The following SETX variants were observed in gnomAD, a reference collection of about 807,000 sequenced individuals.
SETX encodes the protein helicase senataxin.
Under a neutral mutation model 227.2 loss-of-function variants are expected in SETX, and 90 were observed. The observed-to-expected ratio is 0.40, with a 90% CI of 0.33 to 0.47. The LOEUF (loss-of-function observed/expected upper bound fraction) is 0.47. SETX is among the 20% of genes least tolerant of loss of function. The pLI is 0.91. For missense variants in SETX, 3,052 were observed against 3,181.5 expected, an observed-to-expected ratio of 0.96 and a Z score of 0.98; for synonymous variants, 1,210 against 1,113.2, an observed-to-expected ratio of 1.09 and a Z score of -1.73.
rs913286451 is a variant in SETX, at chr9:132,329,820, C to T, written c.1778G>A (p.Arg593Lys). The T allele has an allele frequency of 3.1e-6, 5 of 1,613,978 alleles. No individual in the cohort carries two copies. Among genetic ancestry groups the T allele is most frequent in the Non-Finnish European group, 4.2e-6 (5 of 1,179,972 alleles). ...TGGAGGTGCTTTGAATTTTATGTTTCTAATAATTTGCTTTAAGCAACTTTG... is the reference window on the plus strand; with the variant it reads ...TGGAGGTGCTTTGAATTTTATGTTTTTAATAATTTGCTTTAAGCAACTTTG... Reference protein sequence around the residue: ...ELQSCLKQIIRNIKFKAPPCN... With the variant: ...ELQSCLKQIIKNIKFKAPPCN... Residue 593 changes from arginine (R) to lysine (K), a missense_variant, in exon 10 of 26, where the codon AGA becomes AAA. Arg to Lys is a conservative substitution (Grantham distance 26). Transcript: ENST00000224140.
chr9:132,329,183 G>T lies in SETX; in HGVS notation c.2415C>A (p.Val805=). Reference sequence around the variant, plus strand: ...TTTCATCTAAATTGATAGTATTATCGACCAAAGTACTCTTCCTGTGTTGCT... The same window carrying T: ...TTTCATCTAAATTGATAGTATTATCTACCAAAGTACTCTTCCTGTGTTGCT... ...IKKQHRKSTL[V]DNTINLDENL... is the part of the protein sequence containing the mutation. The change falls in exon 10 of 26, where the codon GTC becomes GTA. Residue 805 remains valine (V), a synonymous_variant. Coordinates refer to ENST00000224140, the MANE Select transcript of SETX (RefSeq NM_015046.7). The T allele has an allele frequency of 6.2e-7, 1 of 1,613,034 alleles. No homozygotes were observed. Among genetic ancestry groups the T allele is most frequent in the South Asian group, 1.1e-5 (1 of 90,962 alleles).
At chr9:132,277,512 C>T (rs897455206) in intron 21 of SETX, among the ~76,000 whole-genome samples, 8 of 152,146 alleles carry the variant, frequency 5.3e-5, no homozygotes, top group African/African-American at 1.9e-4. Context: ...GGTGCGGTGA[C>T]TCTCGCCTGT....
intron 10 of SETX, among the ~76,000 whole-genome samples, chr9:132,317,795 T>C (rs1040811201): frequency 2.6e-5 from 4 of 152,142 alleles, no homozygotes; most frequent in Non-Finnish European, 4.4e-5. Context: ...TAAACCTTTC[T>C]AGCTTTTTTT....
intron 22 of SETX, among the ~76,000 whole-genome samples, chr9:132,275,692 A>G (rs1289651550): frequency 2.6e-5 from 4 of 152,250 alleles, no homozygotes; most frequent in Non-Finnish European, 4.4e-5. Context: ...TTTGAAATCA[A>G]CTGAAGTTTA....
At chr9:132,324,693 A>G (rs1326941651) in intron 10 of SETX, among the ~76,000 whole-genome samples, 1 of 152,142 alleles carries the variant, frequency 6.6e-6, no homozygotes, top group Non-Finnish European at 1.5e-5. Flanking sequence ...TGTCTTGTTC[A>G]CCACTTTATC....
At chr9:132,283,170 A>AAAC (rs1339829925) in intron 19 of SETX, 94 bp downstream of exon 19, 4 of 1,533,698 alleles carry the variant, frequency 2.6e-6, no homozygotes, top group Non-Finnish European at 1.8e-6. Context: ...CAAAAAAAAA[A>AAAC]AACACATTTC....
At chr9:132,302,833 CTG>C (rs1845092292) in intron 11 of SETX, among the ~76,000 whole-genome samples, 1 of 151,872 alleles carries the variant, frequency 6.6e-6, no homozygotes, top group Non-Finnish European at 1.5e-5. Flanking sequence ...CAATAAGAGA[CTG>C]TGGTATTGGT....
chr9:132,348,277 TGA>T (rs1848407129), intron 3 of SETX, among the ~76,000 whole-genome samples: 1 of 147,498 alleles, frequency 6.8e-6, no homozygotes, highest in South Asian at 2.2e-4. Context: ...GAGAATCGCT[TGA>T]ACCCACCTGG....
rs1240232139 is a variant in SETX, at chr9:132,264,565, G to A, written c.7708C>T (p.Pro2570Ser). ...GGGAAGCCCGGCTCGCCCGTAGGAGGTGTTGCTCCAGGATGCTGGGGGCTC... is the reference window on the plus strand; with the variant it reads ...GGGAAGCCCGGCTCGCCCGTAGGAGATGTTGCTCCAGGATGCTGGGGGCTC... Reference protein sequence around the residue: ...PSSPQHPGATPPTGEPGFPVV... With the variant: ...PSSPQHPGATSPTGEPGFPVV... The change falls in exon 26 of 26, where the codon CCT becomes TCT. Residue 2570 changes from proline (P) to serine (S), a missense_variant. Coordinates refer to ENST00000224140, the MANE Select transcript of SETX (RefSeq NM_015046.7). The A allele has an allele frequency of 5.6e-6, 9 of 1,614,050 alleles. No homozygotes were observed. The African/African-American group carries it at 8.0e-5, about 14-fold the overall frequency.
intron 17 of SETX, among the ~76,000 whole-genome samples, chr9:132,287,296 C>A (rs1318397065): frequency 6.6e-6 from 1 of 152,084 alleles, no homozygotes; most frequent in Admixed American, 6.6e-5. Context: ...CCACCCTGGG[C>A]AACATGGCAA....
chr9:132,291,505 T>C lies in SETX; in HGVS notation c.6107-2854A>G, dbSNP rs371597467. Reference sequence around the variant, plus strand: ...TTCACTTACGTTTCCACTAGAAAGGTAGATGAGATTACCTGGAAACCCACC... The same window carrying C: ...TTCACTTACGTTTCCACTAGAAAGGCAGATGAGATTACCTGGAAACCCACC... On this transcript the variant is annotated intron_variant, in intron 15 of 25. Coordinates refer to ENST00000224140, the MANE Select transcript of SETX (RefSeq NM_015046.7). 2.1e-4 allele frequency among the ~76,000 whole-genome samples: 32 copies of C among 152,132 alleles called. No homozygotes were observed. The East Asian group carries it at 5.8e-3, about 28-fold the overall frequency.
At chr9:132,279,509 G>A (rs1843372506) in intron 20 of SETX, among the ~76,000 whole-genome samples, 1 of 152,216 alleles carries the variant, frequency 6.6e-6, no homozygotes, top group African/African-American at 2.4e-5. Flanking sequence ...CTTCATGAGT[G>A]ATGTGAAAGA....
chr9:132,346,229 G>T, intron 4 of SETX, 32 bp downstream of exon 4: 1 of 1,525,304 alleles, frequency 6.6e-7, no homozygotes, highest in Non-Finnish European at 9.1e-7. Flanking sequence ...TAATAAAACT[G>T]ATATAACTTG....
chr9:132,344,428 C>T (rs541016623), intron 4 of SETX, among the ~76,000 whole-genome samples: 28 of 152,050 alleles, frequency 1.8e-4, no homozygotes, highest in Middle Eastern at 6.8e-3. Context: ...GCTACACTGC[C>T]GAGGGTGAGA....
chr9:132,283,457 C>G (rs1589638109), intron 18 of SETX, 44 bp from the exon 19 acceptor site: 11 of 1,610,224 alleles, frequency 6.8e-6, no homozygotes, highest in Non-Finnish European at 9.3e-6. Context: ...GTACATCAAT[C>G]CTTGACTATG....
intron 20 of SETX, among the ~76,000 whole-genome samples, chr9:132,278,958 G>A (rs1234437574): frequency 6.6e-6 from 1 of 152,180 alleles, no homozygotes; most frequent in East Asian, 1.9e-4. Context: ...TTCCAGTGAA[G>A]GAAACAGACT....
Position 132,326,756 on chromosome 9 carries a change from C to T in SETX, c.4842G>A (p.Leu1614=). Reference sequence around the variant, plus strand: ...ACGGTGAAAGTGCTGAAGAAGTTTCCAAAGATTTAGAAAGACCAGCAATTC... The same window carrying T: ...ACGGTGAAAGTGCTGAAGAAGTTTCTAAAGATTTAGAAAGACCAGCAATTC... The part of the protein sequence containing the change: ...TSRIAGLSKS[L]ETSSALSPSL... Residue 1614 remains leucine, a synonymous_variant, in exon 10 of 26, where the codon TTG becomes TTA. Coordinates refer to ENST00000224140, the MANE Select transcript of SETX (RefSeq NM_015046.7). 2 of 1,614,136 alleles carry T rather than the reference C, an allele frequency of 1.2e-6. No individual in the cohort carries two copies. The highest frequency in any genetic ancestry group is 1.7e-6 in the Non-Finnish European group (2 of 1,180,022).
At chr9:132,286,279 C>A in intron 18 of SETX, 144 bp downstream of exon 18, 1 of 644,392 alleles carries the variant, frequency 1.6e-6, no homozygotes, top group Non-Finnish European at 2.7e-6. Flanking sequence ...GAGATCATGC[C>A]ACTGCACCCC....
intron 10 of SETX, among the ~76,000 whole-genome samples, chr9:132,316,276 T>C (rs1845962239): frequency 6.6e-6 from 1 of 152,218 alleles, no homozygotes; most frequent in South Asian, 2.1e-4. Flanking sequence ...GCAAACTATT[T>C]GTTGTCCATC....
Sources: gnomAD v4.1 joint callset for allele counts (sites outside exome capture counted in the v4.1 genomes callset) on GRCh38, gnomAD v4.1.1 for gene constraint, MANE v1.5 for transcripts, NCBI Gene and HGNC (gene_info 2026-07-23, HGNC 2026-07-21) for gene names.